Variants in VPS13B observed in about 807,000 individuals in gnomAD.
VPS13B encodes intermembrane lipid transfer protein VPS13B.
In VPS13B, 285 loss-of-function variants were observed where a neutral mutation model predicts 426.4. That is an observed-to-expected ratio of 0.67 (90% CI 0.61 to 0.74). The LOEUF (loss-of-function observed/expected upper bound fraction) is 0.74, where lower values mean the gene tolerates loss of function less well. Ranked by LOEUF, VPS13B falls within the 30% of genes least tolerant of loss-of-function variation. The pLI, the probability that VPS13B is intolerant of heterozygous loss-of-function variation, is 0.00. For synonymous variants in VPS13B, 1,676 were observed against 1,676.4 expected (o/e 1.00, Z 0.01); for missense variants, 4,537 against 4,782.6 (o/e 0.95, Z 1.51).
intron 17 of VPS13B, among the ~76,000 whole-genome samples, chr8:99,205,497 G>T (rs1814651708): frequency 6.6e-6 from 1 of 151,998 alleles, no homozygotes; most frequent in Admixed American, 6.6e-5. Flanking sequence ...AGAACTTAAA[G>T]TATAATAATA....
At chr8:99,772,491 G>A (rs905305608) in intron 40 of VPS13B, among the ~76,000 whole-genome samples, 1 of 152,066 alleles carries the variant, frequency 6.6e-6, no homozygotes, top group Non-Finnish European at 1.5e-5. Flanking sequence ...GGGTTTAATG[G>A]ACATGGAGTT....
intron 30 of VPS13B, among the ~76,000 whole-genome samples, chr8:99,523,086 A>G (rs1410904824): frequency 1.3e-5 from 2 of 152,232 alleles, no homozygotes; most frequent in Non-Finnish European, 2.9e-5. Context: ...GAATAGACAA[A>G]CTCAGAGAGA....
chr8:99,118,175 G>A (rs944023058), intron 7 of VPS13B, among the ~76,000 whole-genome samples: 1 of 152,116 alleles, frequency 6.6e-6, no homozygotes, highest in African/African-American at 2.4e-5. Flanking sequence ...AGCTGTAAGA[G>A]TTATTATAAG....
chr8:99,087,619 T>TG (rs894475724), intron 3 of VPS13B, among the ~76,000 whole-genome samples: 6 of 151,282 alleles, frequency 4.0e-5, no homozygotes, highest in African/African-American at 1.5e-4. Context: ...TTTTTTGTTT[T>TG]TTTTTTTTTT....
rs571042518 is a variant in VPS13B, at chr8:99,399,633, G to A, written c.3082+7929G>A. The stretch of plus-strand genomic sequence containing the variant: ...CATCTCATGACAATCTTTTATAGCC[G>A]TATCTATCAAATGCATTACTTAGTT... On this transcript the variant is annotated intron_variant, in intron 21 of 61. Coordinates refer to ENST00000357162, the MANE Select transcript of VPS13B (RefSeq NM_152564.5). Among the ~76,000 whole-genome samples, 27 of 152,002 alleles carry A rather than the reference G, an allele frequency of 1.8e-4. No individual in the cohort carries two copies. The South Asian group carries it at 3.1e-3, about 18-fold the overall frequency.
At chr8:99,163,924 C>T (rs1307170345) in intron 15 of VPS13B, among the ~76,000 whole-genome samples, 1 of 152,202 alleles carries the variant, frequency 6.6e-6, no homozygotes, top group Non-Finnish European at 1.5e-5. Flanking sequence ...TGAGAGCAAG[C>T]GAGGGCTCTG....
Position 99,608,119 on chromosome 8 carries a change from C to T in VPS13B, c.5220+30486C>T, listed in dbSNP as rs946831589. On this transcript the variant is annotated intron_variant, in intron 33 of 61. Coordinates refer to ENST00000357162, the MANE Select transcript of VPS13B (RefSeq NM_152564.5). ...ATTCTTCCTTGATAATGCATTAAAA[C>T]TCAACCAGTGGTAGTATATTTTTTA... Among the ~76,000 whole-genome samples the T allele has an allele frequency of 9.3e-5, 14 of 151,326 alleles. No individual in the cohort carries two copies. The East Asian group carries it at 9.7e-4, about 10-fold the overall frequency.
intron 15 of VPS13B, among the ~76,000 whole-genome samples, chr8:99,157,275 T>TG (rs111890303): frequency 0.06 from 7,773 of 129,102 alleles, 248 homozygotes; most frequent in African/African-American, 0.11. Flanking sequence ...TGTGTGTGTG[T>TG]TTTTTTTTTT....
chr8:99,118,742 A>G (rs1176830691), intron 7 of VPS13B, among the ~76,000 whole-genome samples: 1 of 152,184 alleles, frequency 6.6e-6, no homozygotes, highest in Non-Finnish European at 1.5e-5. Context: ...ATTGCTACAT[A>G]CACTGTATGA....
intron 20 of VPS13B, among the ~76,000 whole-genome samples, chr8:99,390,294 G>A (rs1182325038): frequency 8.6e-5 from 13 of 151,830 alleles, no homozygotes; most frequent in Admixed American, 7.2e-4. Flanking sequence ...TAGTAGAGAC[G>A]GGGTTTCACC....
rs567761700 is a variant in VPS13B, at chr8:99,765,926, C to T, written c.7051-848C>T. Among the ~76,000 whole-genome samples, 4 of 152,202 alleles carry T rather than the reference C, an allele frequency of 2.6e-5. No homozygotes were observed. The South Asian group carries it at 8.3e-4, about 32-fold the overall frequency. The stretch of plus-strand genomic sequence containing the variant: ...TCTTACACTTTCACTTCTTAGCCTT[C>T]AGCAGTTTTATCCTTTTGGAGTTTA... On this transcript the variant is annotated intron_variant, in intron 39 of 61. Transcript: ENST00000357162.
chr8:99,104,476 A>G (rs1290939509), intron 5 of VPS13B, among the ~76,000 whole-genome samples: 1 of 152,094 alleles, frequency 6.6e-6, no homozygotes, highest in African/African-American at 2.4e-5. Flanking sequence ...AAGGCAATAT[A>G]TCTGATTGAT....
chr8:99,053,983 C>T (rs1424929285), intron 3 of VPS13B, among the ~76,000 whole-genome samples: 2 of 152,174 alleles, frequency 1.3e-5, no homozygotes, highest in African/African-American at 2.4e-5. Flanking sequence ...GGATTACGGG[C>T]GTGAGCCACC....
At chr8:99,210,617 A>T (rs993643218) in intron 17 of VPS13B, among the ~76,000 whole-genome samples, 16 of 152,044 alleles carry the variant, frequency 1.1e-4, no homozygotes, top group Non-Finnish European at 1.6e-4. Flanking sequence ...ATATATATAT[A>T]TTTTTGAGAC....
intron 17 of VPS13B, among the ~76,000 whole-genome samples, chr8:99,221,859 C>T (rs890864669): frequency 2.0e-5 from 3 of 152,202 alleles, no homozygotes; most frequent in Non-Finnish European, 2.9e-5. Context: ...CAGCTGTGCA[C>T]CGCCATGCCC....
intron 2 of VPS13B, among the ~76,000 whole-genome samples, chr8:99,023,885 AT>A (rs1256139219): frequency 6.6e-6 from 1 of 152,220 alleles, no homozygotes; most frequent in African/African-American, 2.4e-5. Flanking sequence ...GGTACAAGAT[AT>A]CTCTGTCATA....
intron 19 of VPS13B, among the ~76,000 whole-genome samples, chr8:99,378,359 A>G (rs1588309506): frequency 6.6e-6 from 1 of 152,204 alleles, no homozygotes; most frequent in East Asian, 1.9e-4. Flanking sequence ...TATTGTTCAA[A>G]CACACATGCT....
rs746562006 is a variant in VPS13B at position 99,511,401 on chromosome 8, C to T, written c.4522C>T (p.Pro1508Ser). 5.6e-6 allele frequency: 9 copies of T among 1,613,808 alleles called. No individual in the cohort carries two copies. Among genetic ancestry groups the T allele is most frequent in the Admixed American group, 1.7e-5 (1 of 60,006 alleles). The change falls in exon 29 of 62, where the codon CCC becomes TCC. Residue 1508 changes from proline (P) to serine (S), a missense_variant. This residue lies in a region of VPS13B where 4,311 missense variants were observed against 4,474.3 expected (regional missense o/e 0.96). Transcript: ENST00000357162. ...QKEKRKSPGQ[P>S]MRTHTLTSRN... The stretch of plus-strand genomic sequence containing the variant: ...AGAGAAAAGAAAATCTCCTGGTCAG[C>T]CCATGAGGACCCATACACTGACATC...
At chr8:99,799,996 A>T (rs1813040483) in intron 43 of VPS13B, among the ~76,000 whole-genome samples, 1 of 152,110 alleles carries the variant, frequency 6.6e-6, no homozygotes, top group Non-Finnish European at 1.5e-5. Flanking sequence ...TTTCCTTCTA[A>T]CATACTGTTA....
Sources: gnomAD v4.1 joint callset for allele counts (sites outside exome capture counted in the v4.1 genomes callset) on GRCh38, gnomAD v4.1.1 for gene constraint, gnomAD v4.1.1 regional missense constraint, MANE v1.5 for transcripts, NCBI Gene and HGNC (gene_info 2026-07-23, HGNC 2026-07-21) for gene names.